Variants in SH3D19 observed in about 807,000 individuals in gnomAD.
SH3D19 encodes SH3 domain-containing protein 19.
A neutral mutation model predicts 112.1 loss-of-function variants in SH3D19; 58 were observed. The observed-to-expected ratio is 0.52, with a 90% CI of 0.42 to 0.64. SH3D19 has a LOEUF of 0.64. Among genes scored for constraint, SH3D19 ranks in the 30% least tolerant of loss-of-function variants. The pLI is 0.00. For missense variants in SH3D19, 1,090 were observed against 1,263.4 expected (o/e 0.86, Z 2.08); for synonymous variants, 391 against 448.5 (o/e 0.87, Z 1.62).
intron 2 of SH3D19, among the ~76,000 whole-genome samples, chr4:151,221,773 T>A (rs1021832105): frequency 6.6e-6 from 1 of 152,206 alleles, no homozygotes; most frequent in African/African-American, 2.4e-5. Context: ...TTAAAAATAC[T>A]GAGAATACTT....
At chr4:151,165,810 G>A in intron 7 of SH3D19, 114 bp from the exon 8 acceptor site, 1 of 816,166 alleles carries the variant, frequency 1.2e-6, no homozygotes, top group Non-Finnish European at 1.9e-6. Context: ...ACTATTCATG[G>A]ATAAACAAAA....
intron 1 of SH3D19, among the ~76,000 whole-genome samples, chr4:151,255,432 G>A (rs949191652): frequency 1.3e-5 from 2 of 150,320 alleles, no homozygotes; most frequent in African/African-American, 2.5e-5. Context: ...GAGGATGGGC[G>A]GCCGGGCAGA....
intron 8 of SH3D19, among the ~76,000 whole-genome samples, chr4:151,163,379 A>G (rs777389370): frequency 5.3e-5 from 8 of 152,166 alleles, no homozygotes; most frequent in Non-Finnish European, 1.2e-4. Context: ...ATTTGTATTT[A>G]TTACTAATTT....
intron 1 of SH3D19, among the ~76,000 whole-genome samples, chr4:151,321,600 T>C (rs1730540722): frequency 6.6e-6 from 1 of 152,212 alleles, no homozygotes; most frequent in African/African-American, 2.4e-5. Context: ...TCATGGGTTT[T>C]CATCTGATCT....
chr4:151,271,617 A>G (rs1378292489), intron 1 of SH3D19, among the ~76,000 whole-genome samples: 1 of 152,202 alleles, frequency 6.6e-6, no homozygotes. Context: ...TCTGGCCCAA[A>G]ATGTCAATAG....
chr4:151,134,954 C>T (rs1449623379), intron 15 of SH3D19, 120 bp downstream of exon 15: 1 of 744,544 alleles, frequency 1.3e-6, no homozygotes, highest in Admixed American at 3.1e-5. Context: ...TCCCAAAGTA[C>T]TGGGATACAG....
At chr4:151,230,476 G>A (rs991547299) in intron 1 of SH3D19, among the ~76,000 whole-genome samples, 4 of 152,096 alleles carry the variant, frequency 2.6e-5, no homozygotes, top group African/African-American at 9.7e-5. Flanking sequence ...TTACTTTACT[G>A]ACTCAAGTTG....
chr4:151,275,511 A>G (rs898593313), intron 1 of SH3D19, among the ~76,000 whole-genome samples: 1 of 152,114 alleles, frequency 6.6e-6, no homozygotes, highest in Non-Finnish European at 1.5e-5. Context: ...TTACCAAAAT[A>G]TCTACATTTT....
chr4:151,285,449 G>A (rs1561431492), intron 1 of SH3D19, among the ~76,000 whole-genome samples: 1 of 152,090 alleles, frequency 6.6e-6, no homozygotes, highest in East Asian at 1.9e-4. Flanking sequence ...AAATAAGAGA[G>A]AAATATGGAA....
intron 7 of SH3D19, among the ~76,000 whole-genome samples, chr4:151,172,091 G>A (rs957291085): frequency 1.3e-5 from 2 of 152,116 alleles, no homozygotes; most frequent in Non-Finnish European, 2.9e-5. Flanking sequence ...AAGAGAAACG[G>A]AAGGGAAGAG....
At chr4:151,254,534 T>C (rs1344064600) in intron 1 of SH3D19, among the ~76,000 whole-genome samples, 13 of 120,800 alleles carry the variant, frequency 1.1e-4, no homozygotes, top group Non-Finnish European at 1.8e-4. Flanking sequence ...TTAAGGAGCA[T>C]GCTGCCTTCA....
At chr4:151,149,257 G>T (rs1435087056) in intron 10 of SH3D19, among the ~76,000 whole-genome samples, 1 of 152,092 alleles carries the variant, frequency 6.6e-6, no homozygotes, top group East Asian at 1.9e-4. Context: ...GTTCAGAAAT[G>T]AGTCTTGTTC....
rs181302296 is a variant in SH3D19, at chr4:151,165,935, T to A, written c.1535-239A>T. 2,490 of 412,894 alleles carry A rather than the reference T, an allele frequency of 6.0e-3. 15 individuals carry two copies. Among genetic ancestry groups the A allele is most frequent in the Non-Finnish European group, 8.9e-3 (2,035 of 227,966 alleles). 25.6% of individuals were successfully genotyped at this position (412,894 alleles called of 1,614,324 possible). ...CTCTGATGAGAGAGATTGAGGATGA[T>A]CTTGAATTATGTAGAAGCTGATCTT... On this transcript the variant is annotated intron_variant, in intron 7 of 19. Coordinates refer to ENST00000604030, the MANE Select transcript of SH3D19 (RefSeq NM_001378122.1).
rs78784121 is a variant in SH3D19, at chr4:151,291,512, G to C, written c.112+33729C>G. ...TTTATTTACAATTTGAAATGATTTT[G>C]TTTTTAAGGTTTTTGATTTTGGAAG... On this transcript the variant is annotated intron_variant, in intron 1 of 19. Coordinates refer to ENST00000604030, the MANE Select transcript of SH3D19 (RefSeq NM_001378122.1). The C allele has an allele frequency of 7.8e-3, 9,699 of 1,239,988 alleles. 530 individuals carry two copies. The African/African-American group carries it at 0.13, about 16-fold the overall frequency. The allele number at this position is 1,239,988 out of a possible 1,614,324, so 76.8% of individuals were successfully genotyped here.
At chr4:151,218,244 T>G (rs1450201254) in intron 2 of SH3D19, among the ~76,000 whole-genome samples, 1 of 152,150 alleles carries the variant, frequency 6.6e-6, no homozygotes, top group East Asian at 1.9e-4. Flanking sequence ...AAATCTGAAG[T>G]GTTTAATCAA....
At chr4:151,281,181 G>A (rs1774189038) in intron 1 of SH3D19, among the ~76,000 whole-genome samples, 1 of 152,178 alleles carries the variant, frequency 6.6e-6, no homozygotes, top group Non-Finnish European at 1.5e-5. Context: ...AGTATTGATA[G>A]AATGCCTGAC....
At chr4:151,313,982 C>G (rs931977554) in intron 1 of SH3D19, among the ~76,000 whole-genome samples, 5 of 152,228 alleles carry the variant, frequency 3.3e-5, no homozygotes, top group African/African-American at 1.2e-4. Context: ...CTTGTACAAA[C>G]ATTTTCTTCT....
intron 9 of SH3D19, among the ~76,000 whole-genome samples, chr4:151,153,349 C>T (rs560588288): frequency 2.0e-4 from 31 of 152,018 alleles, no homozygotes; most frequent in East Asian, 3.9e-4. Context: ...TGGGTTCAAG[C>T]GATTCTCCTG....
chr4:151,173,088 G>T (rs143335151), intron 7 of SH3D19, among the ~76,000 whole-genome samples: 4 of 152,262 alleles, frequency 2.6e-5, no homozygotes, highest in African/African-American at 9.6e-5. Context: ...CTTCCTTTTT[G>T]AAGATGACTA....
Sources: gnomAD v4.1 joint callset for allele counts (sites outside exome capture counted in the v4.1 genomes callset) on GRCh38, gnomAD v4.1.1 for gene constraint, MANE v1.5 for transcripts, NCBI Gene and HGNC (gene_info 2026-07-23, HGNC 2026-07-21) for gene names.